CSNK2A1: variants seen among roughly 807,000 people sequenced by gnomAD.
CSNK2A1 encodes the protein casein kinase II subunit alpha.
In CSNK2A1, 10 loss-of-function variants were observed where a neutral mutation model predicts 62.9. The ratio of observed to expected loss-of-function variants is 0.16; its 90% CI spans 0.10 to 0.27. The LOEUF is 0.27. Ranked by LOEUF, CSNK2A1 falls within the 10% of genes least tolerant of loss-of-function variation. The pLI is 1.00. For synonymous variants in CSNK2A1, 124 were observed against 167.8 expected, an observed-to-expected ratio of 0.74 and a Z score of 2.02; for missense variants, 160 against 492.0, an observed-to-expected ratio of 0.33 and a Z score of 6.38.
At chr20:518,145 T>C (rs2018865674) in intron 2 of CSNK2A1, among the ~76,000 whole-genome samples, 1 of 152,024 alleles carries the variant, frequency 6.6e-6, no homozygotes, top group Admixed American at 6.6e-5. Flanking sequence ...CATCTTTAAA[T>C]AAGACAGAGA....
intron 1 of CSNK2A1, among the ~76,000 whole-genome samples, chr20:529,073 C>G (rs1212769633): frequency 6.6e-6 from 1 of 152,134 alleles, no homozygotes; most frequent in African/African-American, 2.4e-5. Context: ...CGAGGATTCA[C>G]TCAGTCACCC....
Position 518,246 on chromosome 20 carries a change from T to C in CSNK2A1, c.-109-9586A>G, listed in dbSNP as rs925338335. ...GAAAGCCTTTGTTGATCCTGAAAAT[T>C]AGAATTTTGTTCTCACATAAACCAA... On this transcript the variant is annotated intron_variant, in intron 2 of 13. Transcript: ENST00000217244. Among the ~76,000 whole-genome samples the C allele has an allele frequency of 3.3e-5, 5 of 152,300 alleles. 1 individual carries two copies. Among genetic ancestry groups the C allele is most frequent in the South Asian group, 4.1e-4 (2 of 4,828 alleles).
chr20:495,125 G>A (rs1176671549), intron 8 of CSNK2A1: 1 of 152,692 alleles, frequency 6.5e-6, no homozygotes, highest in Non-Finnish European at 1.5e-5. Flanking sequence ...CATGGTGTGT[G>A]TCTAAAAGTA....
At position 499,552 on chromosome 20, in the gene CSNK2A1, C is replaced by A; in HGVS notation, c.316-247G>T. 1 of 551,042 alleles carries A rather than the reference C, an allele frequency of 1.8e-6. No individual in the cohort carries two copies. The highest frequency in any genetic ancestry group is 2.7e-5 in the South Asian group (1 of 36,966). 34.1% of individuals were successfully genotyped at this position (551,042 alleles called of 1,614,324 possible). A position where few individuals can be genotyped will look rare whatever the true frequency, so the allele number is the denominator to read the frequency against. On this transcript the variant is annotated intron_variant, in intron 5 of 13. Transcript: ENST00000217244. The surrounding 1 kb of genome is among the most constrained non-coding windows in gnomAD (Gnocchi z 4.2). ...GGCTCTAGGCAGCCCGACAATGCGC[C>A]CATCGCCCATCGGCATCGGACCTGA...
chr20:496,934 G>A (rs528675212), intron 7 of CSNK2A1, among the ~76,000 whole-genome samples: 2 of 152,290 alleles, frequency 1.3e-5, no homozygotes, highest in South Asian at 4.1e-4. Context: ...ACTCTTAAGT[G>A]AGATAAAGTA....
intron 11 of CSNK2A1, chr20:488,445 G>T: frequency 2.4e-6 from 1 of 414,696 alleles, no homozygotes; most frequent in Non-Finnish European, 4.3e-6. Context: ...CATTTTGTAG[G>T]AATCCTCTAG....
At chr20:526,622 G>C (rs558175271) in intron 2 of CSNK2A1, 3 of 151,342 alleles carry the variant, frequency 2.0e-5, no homozygotes, top group African/African-American at 7.3e-5. Flanking sequence ...GCAGGTGGGG[G>C]GGAAGAAATT....
intron 1 of CSNK2A1, among the ~76,000 whole-genome samples, chr20:533,206 T>C (rs182345155): frequency 2.6e-5 from 4 of 152,352 alleles, no homozygotes; most frequent in East Asian, 1.9e-4. Flanking sequence ...GTTCTAAGTA[T>C]ACAATGAATA....
Position 497,766 on chromosome 20 carries a change from C to T in CSNK2A1, c.381G>A (p.Thr127=), listed in dbSNP as rs745732511. The T allele has an allele frequency of 6.8e-6, 11 of 1,612,452 alleles. No homozygotes were observed. The highest frequency in any genetic ancestry group is 4.0e-5 in the African/African-American group (3 of 74,890). Residue 127 remains threonine (T), a synonymous_variant, in exon 7 of 14, where the codon ACG becomes ACA. Transcript: ENST00000217244. ...AAAATCGAATATCATAGTCTGTTAACGTCTGGTACAATTGCTGTTAAAGAC... is the reference window on the plus strand; with the variant it reads ...AAAATCGAATATCATAGTCTGTTAATGTCTGGTACAATTGCTGTTAAAGAC... The part of the protein sequence containing the change: ...NNTDFKQLYQ[T]LTDYDIRFYM...
At chr20:500,206 GTTA>G in intron 4 of CSNK2A1, 1 of 375,762 alleles carries the variant, frequency 2.7e-6, no homozygotes, top group Non-Finnish European at 4.9e-6. Context: ...CAGTCTTGAT[GTTA>G]ATGTTTTAAA....
intron 3 of CSNK2A1, 108 bp from the exon 4 acceptor site, chr20:505,337 C>T: frequency 2.4e-6 from 1 of 417,836 alleles, no homozygotes; most frequent in Non-Finnish European, 4.3e-6. Context: ...GTATTTCAAA[C>T]AATTCCCAAA....
chr20:534,786 T>C (rs1336293509), intron 1 of CSNK2A1, among the ~76,000 whole-genome samples: 1 of 150,650 alleles, frequency 6.6e-6, no homozygotes, highest in Non-Finnish European at 1.5e-5. Flanking sequence ...CCCAGCACTT[T>C]GGGAGGCCGA....
intron 2 of CSNK2A1, among the ~76,000 whole-genome samples, chr20:511,558 C>T (rs2018718926): frequency 6.6e-6 from 1 of 152,120 alleles, no homozygotes; most frequent in African/African-American, 2.4e-5. Context: ...TTCTAGGAAC[C>T]TCATATAAGT....
chr20:491,903 G>A (rs1238260853), intron 9 of CSNK2A1, among the ~76,000 whole-genome samples: 1 of 152,104 alleles, frequency 6.6e-6, no homozygotes, highest in East Asian at 1.9e-4. Flanking sequence ...CAGCCTGGGC[G>A]ACAGAGTGAG....
chr20:525,324 C>T (rs989133530), intron 2 of CSNK2A1, among the ~76,000 whole-genome samples: 1 of 151,610 alleles, frequency 6.6e-6, no homozygotes, highest in East Asian at 1.9e-4. Context: ...CCAGCCTGGG[C>T]AACATGGCGA....
At chr20:498,417 T>C (rs2018390649) in intron 6 of CSNK2A1, 1 of 148,874 alleles carries the variant, frequency 6.7e-6, no homozygotes, top group Admixed American at 6.8e-5. Context: ...CATAACTCAC[T>C]GCAACCTCAA....
chr20:526,015 A>T (rs2019080739), intron 2 of CSNK2A1, among the ~76,000 whole-genome samples: 2 of 151,954 alleles, frequency 1.3e-5, no homozygotes, highest in Admixed American at 1.3e-4. Flanking sequence ...GAAAATAAAA[A>T]TTCATAAACT....
intron 4 of CSNK2A1, chr20:503,391 A>G (rs1007389425): frequency 1.3e-5 from 5 of 398,006 alleles, no homozygotes; most frequent in African/African-American, 1.0e-4. Context: ...TTTGATTTCC[A>G]ACCTAGTTCT....
intron 2 of CSNK2A1, among the ~76,000 whole-genome samples, chr20:515,313 A>G (rs1349585830): frequency 6.6e-6 from 1 of 152,232 alleles, no homozygotes; most frequent in African/African-American, 2.4e-5. Context: ...CATGGAGATA[A>G]GAGTGCACAA....
Sources: gnomAD v4.1 joint callset for allele counts (sites outside exome capture counted in the v4.1 genomes callset) on GRCh38, gnomAD v4.1.1 for gene constraint, Gnocchi (gnomAD v3.1) non-coding constraint, MANE v1.5 for transcripts, NCBI Gene and HGNC (gene_info 2026-07-23, HGNC 2026-07-21) for gene names.